RELN: variants seen among roughly 807,000 people sequenced by gnomAD.
The protein encoded by RELN is reelin.
RELN carries 108 observed loss-of-function variants against 427.6 expected under a neutral mutation model. The ratio of observed to expected loss-of-function variants is 0.25; its 90% confidence interval spans 0.22 to 0.30. The LOEUF (loss-of-function observed/expected upper bound fraction) is 0.30, where lower values mean the gene tolerates loss of function less well. Ranked by LOEUF, RELN falls within the 10% of genes least tolerant of loss-of-function variation. RELN has a pLI of 1.00. For missense variants in RELN, 3,715 were observed against 4,302.8 expected (o/e 0.86, Z 3.82); for synonymous variants, 1,524 against 1,513.4 (o/e 1.01, Z -0.16).
chr7:103,600,479 G>C (rs1398403342), intron 24 of RELN, among the ~76,000 whole-genome samples: 2 of 152,154 alleles, frequency 1.3e-5, no homozygotes, highest in African/African-American at 2.4e-5. Flanking sequence ...CATAGTGAGA[G>C]CTGGCCTGCA....
At chr7:103,618,369 G>C (rs1265728406) in intron 20 of RELN, among the ~76,000 whole-genome samples, 1 of 151,164 alleles carries the variant, frequency 6.6e-6, no homozygotes, top group Non-Finnish European at 1.5e-5. Flanking sequence ...CTCGTCTCTA[G>C]CCTCTCCTTC....
intron 6 of RELN, among the ~76,000 whole-genome samples, chr7:103,742,984 AG>A (rs1380180101): frequency 6.6e-6 from 1 of 150,896 alleles, no homozygotes; most frequent in East Asian, 1.9e-4. Flanking sequence ...GTTGAAATAA[AG>A]GAAAAAATGT....
intron 1 of RELN, among the ~76,000 whole-genome samples, chr7:103,948,460 G>A (rs1796263338): frequency 6.6e-6 from 1 of 152,060 alleles, no homozygotes; most frequent in Non-Finnish European, 1.5e-5. Flanking sequence ...ATCACCTGAG[G>A]TCAATAGATG....
At chr7:103,917,282 T>A (rs926963244) in intron 1 of RELN, 97 bp from the exon 2 acceptor site, 6 of 948,170 alleles carry the variant, frequency 6.3e-6, no homozygotes, top group Non-Finnish European at 1.0e-5. Flanking sequence ...TCTTTACTCA[T>A]TAACAAATTA....
At chr7:103,625,382 T>A (rs1030594902) in intron 20 of RELN, among the ~76,000 whole-genome samples, 1 of 152,238 alleles carries the variant, frequency 6.6e-6, no homozygotes, top group Admixed American at 6.5e-5. Context: ...GTTTATACAA[T>A]AAAGCTTTTA....
intron 11 of RELN, among the ~76,000 whole-genome samples, chr7:103,665,199 A>G (rs1833233753): frequency 2.0e-5 from 3 of 152,060 alleles, no homozygotes; most frequent in South Asian, 4.2e-4. Flanking sequence ...GGCCCTAATT[A>G]TTGGTAATGC....
intron 4 of RELN, among the ~76,000 whole-genome samples, chr7:103,755,438 C>G (rs1170134443): frequency 1.3e-5 from 2 of 152,052 alleles, no homozygotes; most frequent in Non-Finnish European, 2.9e-5. Flanking sequence ...GAAACCCCAT[C>G]TCTACTAAAA....
chr7:103,639,687 C>T (rs2117360179), intron 17 of RELN, among the ~76,000 whole-genome samples: 1 of 152,224 alleles, frequency 6.6e-6, no homozygotes, highest in African/African-American at 2.4e-5. Flanking sequence ...GCATGAGCCA[C>T]CATGCCCAGC....
chr7:103,805,358 C>A (rs183540061), intron 3 of RELN, among the ~76,000 whole-genome samples: 1 of 152,138 alleles, frequency 6.6e-6, no homozygotes, highest in African/African-American at 2.4e-5. Context: ...TTTAGATATA[C>A]GAACGTGCAT....
intron 24 of RELN, among the ~76,000 whole-genome samples, chr7:103,602,811 C>T (rs1831705818): frequency 6.6e-6 from 1 of 151,844 alleles, no homozygotes; most frequent in African/African-American, 2.4e-5. Flanking sequence ...GCACATGTAC[C>T]CCAGAACTTA....
intron 16 of RELN, among the ~76,000 whole-genome samples, chr7:103,647,347 T>C (rs900097338): frequency 9.9e-5 from 15 of 151,972 alleles, no homozygotes; most frequent in African/African-American, 3.6e-4. Flanking sequence ...ATTTGATAAA[T>C]GACTTCAGTA....
intron 63 of RELN, among the ~76,000 whole-genome samples, chr7:103,480,926 A>G (rs78500126): frequency 1.2e-3 from 183 of 152,312 alleles, no homozygotes; most frequent in Middle Eastern, 3.4e-3. Context: ...GGTATATGAC[A>G]AATTCTTCAA....
At chr7:103,729,700 C>G (rs1790304602) in intron 6 of RELN, among the ~76,000 whole-genome samples, 1 of 152,052 alleles carries the variant, frequency 6.6e-6, no homozygotes. Flanking sequence ...TGGCATGTTC[C>G]TTTTGAGCAC....
intron 4 of RELN, among the ~76,000 whole-genome samples, chr7:103,760,259 A>C (rs1438437037): frequency 6.6e-6 from 1 of 151,980 alleles, no homozygotes; most frequent in Non-Finnish European, 1.5e-5. Flanking sequence ...AAGTTAAAAA[A>C]AAAAGCTTCA....
chr7:103,630,281 T>C, intron 19 of RELN, 105 bp from the exon 20 acceptor site: 2 of 795,560 alleles, frequency 2.5e-6, no homozygotes, highest in South Asian at 3.1e-5. Flanking sequence ...AAAGAAATAG[T>C]TCTCCCATGA....
chr7:103,976,964 G>A (rs2116832693), intron 1 of RELN, among the ~76,000 whole-genome samples: 1 of 152,150 alleles, frequency 6.6e-6, no homozygotes, highest in South Asian at 2.1e-4. Flanking sequence ...AGGTTGGGAG[G>A]ATCACTTGAG....
chr7:103,818,344 C>A (rs1792930959), intron 3 of RELN, among the ~76,000 whole-genome samples: 1 of 152,128 alleles, frequency 6.6e-6, no homozygotes, highest in Admixed American at 6.5e-5. Flanking sequence ...ACAGAAAATA[C>A]TGCAAAATGA....
At chr7:103,920,342 A>G (rs1795585297) in intron 1 of RELN, among the ~76,000 whole-genome samples, 1 of 152,210 alleles carries the variant, frequency 6.6e-6, no homozygotes, top group Admixed American at 6.5e-5. Flanking sequence ...AAGAAAAGTA[A>G]CTATTGGGCT....
At chr7:103,817,501 C>T (rs190709506) in intron 3 of RELN, among the ~76,000 whole-genome samples, 2 of 152,252 alleles carry the variant, frequency 1.3e-5, no homozygotes, top group South Asian at 2.1e-4. Flanking sequence ...TTTAAAGGCT[C>T]TCCTAAATGG....
Sources: gnomAD v4.1 joint callset for allele counts (sites outside exome capture counted in the v4.1 genomes callset) on GRCh38, gnomAD v4.1.1 for gene constraint, MANE v1.5 for transcripts, NCBI Gene and HGNC (gene_info 2026-07-23, HGNC 2026-07-21) for gene names.